Variants in NRK observed in about 807,000 individuals in gnomAD.
NRK encodes Nik related kinase, also known as nik-related protein kinase.
NRK carries 67 observed loss-of-function variants against 125.2 expected under a neutral mutation model. The observed-to-expected ratio is 0.54, with a 90% CI of 0.44 to 0.66. The LOEUF is 0.66. Ranked by LOEUF, NRK falls within the 30% of genes least tolerant of loss-of-function variation. The pLI, the probability that NRK is intolerant of heterozygous loss-of-function variation, is 0.00. For synonymous variants in NRK, 458 were observed against 429.0 expected, an observed-to-expected ratio of 1.07 and a Z score of -0.84; for missense variants, 1,224 against 1,192.9, an observed-to-expected ratio of 1.03 and a Z score of -0.38.
chrX:105,891,203 G>A (rs1420077440), intron 5 of NRK, among the ~76,000 whole-genome samples: 1 of 111,273 alleles, frequency 9.0e-6, no homozygotes, highest in Non-Finnish European at 1.9e-5. Context: ...ATTATGCCTG[G>A]TGTATCACAA....
chrX:105,824,263 C>T (rs1454706662), intron 1 of NRK, among the ~76,000 whole-genome samples: 1 of 111,728 alleles, frequency 9.0e-6, no homozygotes, highest in African/African-American at 3.3e-5. Context: ...TGCATGCACC[C>T]AGAATTTCTT....
intron 19 of NRK, 150 bp downstream of exon 19, chrX:105,925,181 C>A: frequency 2.3e-6 from 1 of 428,045 alleles, no homozygotes; most frequent in Non-Finnish European, 3.9e-6. Context: ...GTAGGTGGAT[C>A]CTTATTACCT....
At chrX:105,841,047 A>AGTT (rs2039326786) in intron 2 of NRK, among the ~76,000 whole-genome samples, 1 of 111,055 alleles carries the variant, frequency 9.0e-6, no homozygotes, top group East Asian at 2.8e-4. Context: ...GCACTTCAAC[A>AGTT]GTTGTTACTC....
intron 2 of NRK, among the ~76,000 whole-genome samples, chrX:105,844,031 G>A (rs200836989): frequency 9.7e-6 from 1 of 103,518 alleles, no homozygotes; most frequent in African/African-American, 3.9e-5. Context: ...GTGTGTGTGT[G>A]TGTGTGTGTG....
chrX:105,935,581 T>A (rs964375140), intron 21 of NRK, among the ~76,000 whole-genome samples: 1 of 108,558 alleles, frequency 9.2e-6, no homozygotes, highest in African/African-American at 3.4e-5. Flanking sequence ...GATCACGAGG[T>A]CAGGAGTTGA....
At chrX:105,895,663 C>A in intron 7 of NRK, 140 bp downstream of exon 7, 1 of 439,861 alleles carries the variant, frequency 2.3e-6, no homozygotes, top group Non-Finnish European at 3.9e-6. Context: ...CAAAACCAGT[C>A]AAAATTTGAA....
intron 19 of NRK, among the ~76,000 whole-genome samples, chrX:105,928,788 T>G (rs2147776697): frequency 9.0e-6 from 1 of 111,711 alleles, no homozygotes; most frequent in East Asian, 2.8e-4. Context: ...ATTGTTACAG[T>G]TTTGAATGTT....
intron 7 of NRK, among the ~76,000 whole-genome samples, chrX:105,897,827 A>T (rs1218641875): frequency 9.0e-6 from 1 of 111,447 alleles, no homozygotes; most frequent in African/African-American, 3.3e-5. Flanking sequence ...TCTTCCCCTA[A>T]ATTCCTGAAG....
At chrX:105,910,160 G>A (rs1318318549) in intron 13 of NRK, among the ~76,000 whole-genome samples, 1 of 111,686 alleles carries the variant, frequency 9.0e-6, no homozygotes, top group African/African-American at 3.3e-5. Context: ...GTCAACGAAT[G>A]CACATTAAAA....
chrX:105,923,094 C>T, intron 17 of NRK, 24 bp from the exon 18 acceptor site: 1 of 1,171,870 alleles, frequency 8.5e-7, no homozygotes, highest in Non-Finnish European at 1.1e-6. Context: ...CTAGAGGCTA[C>T]ATTAACCTTT....
rs138559444 is a variant in NRK at position 105,958,320 on chromosome X, A to G, written c.*2720A>G. The G allele has an allele frequency of 8.9e-6, 1 of 112,294 alleles. No individual in the cohort carries two copies. The highest frequency in any genetic ancestry group is 9.4e-5 in the Admixed American group (1 of 10,599). 9.3% of individuals were successfully genotyped at this position (112,294 alleles called of 1,213,427 possible). A position where few individuals can be genotyped will look rare whatever the true frequency, so the allele number is the denominator to read the frequency against. On this transcript the variant is annotated 3_prime_UTR_variant, in exon 29 of 29. Coordinates refer to ENST00000243300, the MANE Select transcript of NRK (RefSeq NM_198465.4). ...TGTGCACACACACATACACATGTAA[A>G]CATTGGAATGCATAAGTTTTAATAT...
chrX:105,844,478 G>C, intron 2 of NRK, among the ~76,000 whole-genome samples: 1 of 112,236 alleles, frequency 8.9e-6, no homozygotes, highest in Non-Finnish European at 1.9e-5. Flanking sequence ...AATGGAAAAT[G>C]AATCTTTTAC....
rs2040251013 is a variant in NRK at position 105,908,716 on chromosome X, G to A, written c.1086-11G>A. The A allele has an allele frequency of 8.6e-7, 1 of 1,169,513 alleles. No individual in the cohort carries two copies. The highest frequency in any genetic ancestry group is 1.1e-6 in the Non-Finnish European group (1 of 871,975). ...CTAATTGTATGCCAATCATTTGTGTGTTTATTTTAGAGGACCCTCTTGCAC... is the reference window on the plus strand; with the variant it reads ...CTAATTGTATGCCAATCATTTGTGTATTTATTTTAGAGGACCCTCTTGCAC... On this transcript the variant is annotated splice_polypyrimidine_tract_variant and intron_variant, in intron 12 of 28. Transcript: ENST00000243300.
intron 1 of NRK, among the ~76,000 whole-genome samples, chrX:105,826,309 TA>T (rs1369470122): frequency 1.6e-4 from 14 of 88,136 alleles, no homozygotes; most frequent in South Asian, 9.5e-4. Context: ...ATATAATAGA[TA>T]ATATATATTT....
intron 1 of NRK, among the ~76,000 whole-genome samples, chrX:105,826,489 A>G (rs1159436391): frequency 2.0e-5 from 2 of 99,638 alleles, no homozygotes; most frequent in East Asian, 6.2e-4. Flanking sequence ...CACTATGACT[A>G]TCCCCTTTGC....
chrX:105,888,405 C>T lies in NRK; in HGVS notation c.364C>T (p.Arg122Trp), dbSNP rs1337330856. Reference sequence around the variant, plus strand: ...TTTCAAGCTGAGTCCCCCTGGTCAGCGGCACCAACTTTGGGTATGTTTTTA... The same window carrying T: ...TTTCAAGCTGAGTCCCCCTGGTCAGTGGCACCAACTTTGGGTATGTTTTTA... ...AFFKLSPPGQ[R>W]HQLWMVMELC... Residue 122 changes from arginine (R) to tryptophan (W), a missense_variant, in exon 5 of 29, where the codon CGG becomes TGG. Transcript: ENST00000243300. 7.6e-6 allele frequency: 9 copies of T among 1,191,648 alleles called. No individual in the cohort carries two copies. Among genetic ancestry groups the T allele is most frequent in the African/African-American group, 1.8e-5 (1 of 56,402 alleles).
At chrX:105,893,108 A>G (rs1022094047) in intron 5 of NRK, among the ~76,000 whole-genome samples, 30 of 111,543 alleles carry the variant, frequency 2.7e-4, no homozygotes, top group Admixed American at 2.7e-3. Context: ...TGGGCCCTCA[A>G]TTTATATGTG....
rs749149386 is a variant in NRK, at chrX:105,912,426, GCATTTCT to G, written c.2242-219_2242-213del. On this transcript the variant is annotated intron_variant, in intron 13 of 28. Transcript: ENST00000243300. ...TGCAATTTTCTGTGGACAGTCTATA[GCATTTCT>G]CAGATTCTGAAAGGGATCCAGAACC... Among the ~76,000 whole-genome samples, 79 of 110,682 alleles carry G rather than the reference GCATTTCT, an allele frequency of 7.1e-4. 1 individual carries two copies. In the South Asian group the frequency reaches 0.03, roughly 41 times the overall value.
intron 4 of NRK, among the ~76,000 whole-genome samples, chrX:105,887,151 C>T (rs1002318273): frequency 1.8e-5 from 2 of 111,996 alleles, no homozygotes; most frequent in Admixed American, 1.9e-4. Flanking sequence ...AGAAAACAAT[C>T]CACAGTATGA....
Sources: gnomAD v4.1 joint callset for allele counts (sites outside exome capture counted in the v4.1 genomes callset) on GRCh38, gnomAD v4.1.1 for gene constraint, MANE v1.5 for transcripts, NCBI Gene and HGNC (gene_info 2026-07-23, HGNC 2026-07-21) for gene names.